Variants in RABGAP1L observed in about 807,000 individuals in gnomAD.
The protein encoded by RABGAP1L is RAB GTPase activating protein 1 like.
Under a neutral mutation model 137.7 loss-of-function variants are expected in RABGAP1L, and 63 were observed. That is an observed-to-expected ratio of 0.46 (90% CI 0.37 to 0.56). RABGAP1L has a LOEUF of 0.56. Among genes scored for constraint, RABGAP1L ranks in the 20% least tolerant of loss-of-function variants. RABGAP1L has a pLI of 0.00. For missense variants in RABGAP1L, 1,095 were observed against 1,244.0 expected, an observed-to-expected ratio of 0.88 and a Z score of 1.80; for synonymous variants, 431 against 433.7, an observed-to-expected ratio of 0.99 and a Z score of 0.08.
At chr1:174,712,198 G>A (rs1204139754) in intron 17 of RABGAP1L, among the ~76,000 whole-genome samples, 1 of 152,182 alleles carries the variant, frequency 6.6e-6, no homozygotes, top group Non-Finnish European at 1.5e-5. Context: ...GGATGTGGGT[G>A]GGGCCAGATA....
chr1:174,425,657 T>C (rs1437606897), intron 13 of RABGAP1L, among the ~76,000 whole-genome samples: 1 of 152,054 alleles, frequency 6.6e-6, no homozygotes, highest in East Asian at 1.9e-4. Flanking sequence ...AGTCTCACTG[T>C]CTTGTCTGTT....
chr1:174,172,783 A>C (rs1665523824), intron 1 of RABGAP1L, among the ~76,000 whole-genome samples: 1 of 152,170 alleles, frequency 6.6e-6, no homozygotes, highest in Non-Finnish European at 1.5e-5. Context: ...CATAGTTTGC[A>C]AATATTTTCT....
intron 17 of RABGAP1L, among the ~76,000 whole-genome samples, chr1:174,717,999 T>A (rs1681163979): frequency 6.6e-6 from 1 of 152,208 alleles, no homozygotes; most frequent in South Asian, 2.1e-4. Flanking sequence ...TGTCTGCTGC[T>A]TCCTGTCCCA....
intron 13 of RABGAP1L, among the ~76,000 whole-genome samples, chr1:174,589,832 G>A (rs1438065352): frequency 2.0e-5 from 3 of 152,082 alleles, no homozygotes; most frequent in African/African-American, 7.2e-5. Flanking sequence ...TTCTTTTTAT[G>A]CCAGTCCCGT....
At chr1:174,420,832 G>A (rs1314324374) in intron 13 of RABGAP1L, among the ~76,000 whole-genome samples, 8 of 151,706 alleles carry the variant, frequency 5.3e-5, no homozygotes, top group Non-Finnish European at 8.8e-5. Flanking sequence ...CCGCCACCAC[G>A]CCCGGCTAAT....
chr1:174,649,961 G>A (rs1675321113), intron 14 of RABGAP1L, among the ~76,000 whole-genome samples: 1 of 152,086 alleles, frequency 6.6e-6, no homozygotes, highest in Non-Finnish European at 1.5e-5. Context: ...TATGATATTG[G>A]CTGTGGGTGT....
At chr1:174,711,444 A>C (rs1467109301) in intron 17 of RABGAP1L, among the ~76,000 whole-genome samples, 2 of 152,058 alleles carry the variant, frequency 1.3e-5, no homozygotes, top group Non-Finnish European at 2.9e-5. Flanking sequence ...CTTGCGGGCC[A>C]GAACGAGTTC....
chr1:174,718,230 C>T (rs2148581004), intron 17 of RABGAP1L, among the ~76,000 whole-genome samples: 1 of 152,200 alleles, frequency 6.6e-6, no homozygotes, highest in East Asian at 1.9e-4. Flanking sequence ...CCTAATTTCA[C>T]CTGGGAAAAT....
At chr1:174,223,373 G>A (rs1312454036) in intron 3 of RABGAP1L, among the ~76,000 whole-genome samples, 1 of 147,656 alleles carries the variant, frequency 6.8e-6, no homozygotes, top group Non-Finnish European at 1.5e-5. Flanking sequence ...AACCCAGGAG[G>A]TGGAGGTTGC....
intron 19 of RABGAP1L, among the ~76,000 whole-genome samples, chr1:174,928,666 G>C (rs990931946): frequency 1.2e-4 from 19 of 152,062 alleles, no homozygotes; most frequent in Non-Finnish European, 5.9e-5. Context: ...TCCCTGACCT[G>C]CAATCTTTTG....
chr1:174,352,129 C>G (rs573985420), intron 11 of RABGAP1L, among the ~76,000 whole-genome samples: 9 of 152,106 alleles, frequency 5.9e-5, no homozygotes, highest in Non-Finnish European at 1.2e-4. Context: ...TGTTATTATC[C>G]CTTTGAATAC....
intron 13 of RABGAP1L, among the ~76,000 whole-genome samples, chr1:174,469,042 TAAG>T (rs1290744546): frequency 6.6e-6 from 1 of 152,236 alleles, no homozygotes; most frequent in African/African-American, 2.4e-5. Flanking sequence ...ATACAAAAGT[TAAG>T]AACAGAACGT....
At chr1:174,281,186 G>C (rs1156519893) in intron 10 of RABGAP1L, among the ~76,000 whole-genome samples, 1 of 152,194 alleles carries the variant, frequency 6.6e-6, no homozygotes, top group Non-Finnish European at 1.5e-5. Context: ...GAGTGGAAGA[G>C]GACCCGAGCG....
At chr1:174,227,937 G>A (rs1255291450) in intron 3 of RABGAP1L, among the ~76,000 whole-genome samples, 1 of 149,146 alleles carries the variant, frequency 6.7e-6, no homozygotes, top group East Asian at 2.0e-4. Context: ...TTAACTTCTC[G>A]TGCTCTTCAG....
intron 13 of RABGAP1L, among the ~76,000 whole-genome samples, chr1:174,537,372 G>A (rs543865991): frequency 6.6e-6 from 1 of 152,066 alleles, no homozygotes; most frequent in Admixed American, 6.6e-5. Flanking sequence ...TTCTCTCAGG[G>A]TACAAAAGTT....
chr1:174,482,213 C>T (rs1290816224), intron 13 of RABGAP1L, among the ~76,000 whole-genome samples: 2 of 152,190 alleles, frequency 1.3e-5, no homozygotes, highest in Non-Finnish European at 2.9e-5. Context: ...CCCCCAGAGC[C>T]TCCAAAAGGA....
intron 13 of RABGAP1L, 145 bp from the exon 14 acceptor site, chr1:174,637,230 A>G: frequency 3.4e-6 from 2 of 596,200 alleles, no homozygotes; most frequent in East Asian, 5.7e-5. Context: ...TGGGTATAGG[A>G]CTATGGGTCT....
intron 13 of RABGAP1L, among the ~76,000 whole-genome samples, chr1:174,623,066 G>A (rs1051234226): frequency 5.9e-5 from 9 of 152,138 alleles, no homozygotes; most frequent in Non-Finnish European, 1.2e-4. Flanking sequence ...CAACCTCAGT[G>A]AACAAGTGGT....
Position 174,994,604 on chromosome 1 carries a change from A to G in RABGAP1L, c.*4603A>G, listed in dbSNP as rs1558319312. The G allele has an allele frequency of 6.6e-6, 1 of 152,224 alleles. No homozygotes were observed. Among genetic ancestry groups the G allele is most frequent in the Non-Finnish European group, 1.5e-5 (1 of 68,038 alleles). The allele number at this position is 152,224 out of a possible 1,614,324, so 9.4% of individuals were successfully genotyped here. On this transcript the variant is annotated 3_prime_UTR_variant, in exon 26 of 26. Coordinates refer to ENST00000681986, the MANE Select transcript of RABGAP1L (RefSeq NM_001366446.1). Reference sequence around the variant, plus strand: ...AACTATATATTATATATGGGATAAAATATATGGACTGAATTGTGAGAATAT... The same window carrying G: ...AACTATATATTATATATGGGATAAAGTATATGGACTGAATTGTGAGAATAT...
Sources: allele counts gnomAD v4.1 joint callset (sites outside exome capture counted in the v4.1 genomes callset), GRCh38; gene constraint gnomAD v4.1.1; transcripts MANE v1.5; gene names NCBI Gene and HGNC (gene_info 2026-07-23, HGNC 2026-07-21).